The following RABGEF1 variants were observed in gnomAD, a reference collection of about 807,000 sequenced individuals.
RABGEF1 encodes RAB guanine nucleotide exchange factor 1, also known as rab5 GDP/GTP exchange factor.
RABGEF1 carries 26 observed loss-of-function variants against 57.3 expected under a neutral mutation model. That is an observed-to-expected ratio of 0.45 (90% CI 0.33 to 0.63). RABGEF1 has a LOEUF of 0.63. Ranked by LOEUF, RABGEF1 falls within the 20% of genes least tolerant of loss-of-function variation. The pLI is 0.02. For synonymous variants in RABGEF1, 185 were observed against 210.7 expected, an observed-to-expected ratio of 0.88 and a Z score of 1.06; for missense variants, 464 against 607.6, an observed-to-expected ratio of 0.76 and a Z score of 2.48.
chr7:66,765,542 C>T (rs12667122), intron 1 of RABGEF1, among the ~76,000 whole-genome samples: 50,615 of 151,580 alleles, frequency 0.33, 8,765 homozygotes, highest in Middle Eastern at 0.49. Flanking sequence ...TGGGCGTGCA[C>T]GTAAACCTTA....
intron 5 of RABGEF1, 44 bp from the exon 6 acceptor site, chr7:66,797,330 A>G (rs988820153): frequency 7.4e-5 from 113 of 1,519,032 alleles, no homozygotes; most frequent in Middle Eastern, 2.4e-4. Flanking sequence ...AAGAGAGAGA[A>G]AAAATATATA....
intron 4 of RABGEF1, among the ~76,000 whole-genome samples, chr7:66,787,076 G>A (rs1176968722): frequency 6.6e-6 from 1 of 150,714 alleles, no homozygotes; most frequent in Non-Finnish European, 1.5e-5. Context: ...GGCCAGGCTG[G>A]AGTGCAGTGG....
chr7:66,770,465 A>C (rs1806812198), intron 1 of RABGEF1: 1 of 152,138 alleles, frequency 6.6e-6, no homozygotes. Flanking sequence ...TTTGGAACTT[A>C]AGGTATTATT....
intron 2 of RABGEF1, among the ~76,000 whole-genome samples, chr7:66,713,599 C>A (rs1313435488): frequency 6.6e-6 from 1 of 152,170 alleles, no homozygotes; most frequent in Non-Finnish European, 1.5e-5. Flanking sequence ...TTATCTTGTA[C>A]CTTAACTTGG....
chr7:66,787,860 G>A (rs1488453260), intron 4 of RABGEF1, among the ~76,000 whole-genome samples: 2 of 152,144 alleles, frequency 1.3e-5, no homozygotes, highest in African/African-American at 2.4e-5. Context: ...TTACCTAACT[G>A]AATGAGATCT....
At chr7:66,716,812 T>C (rs561117868) in intron 2 of RABGEF1, among the ~76,000 whole-genome samples, 21 of 152,308 alleles carry the variant, frequency 1.4e-4, no homozygotes, top group African/African-American at 4.8e-4. Context: ...AAGGTCTTGC[T>C]CTGTTGCCCG....
Position 66,722,136 on chromosome 7 carries a change from A to T in RABGEF1, c.-815+9912A>T, listed in dbSNP as rs148029802. ...TGTTTCACTGCACTTCATCCTGGGC[A>T]ACAGAATAGGACCCTGTCTCAGGGG... is the stretch of plus-strand genomic sequence containing the variant. On this transcript the variant is annotated intron_variant and NMD_transcript_variant, in intron 2 of 9. Coordinates refer to the RABGEF1 transcript ENST00000607882. 4.3e-4 allele frequency among the ~76,000 whole-genome samples: 66 copies of T among 152,164 alleles called. No individual in the cohort carries two copies. The East Asian group carries it at 9.5e-3, about 22-fold the overall frequency.
chr7:66,743,935 A>G (rs960336695), intron 1 of RABGEF1, among the ~76,000 whole-genome samples: 1 of 152,086 alleles, frequency 6.6e-6, no homozygotes, highest in Non-Finnish European at 1.5e-5. Context: ...CCGGCCCTAA[A>G]ATGGAATTTT....
intron 7 of RABGEF1, among the ~76,000 whole-genome samples, chr7:66,801,607 C>T (rs1370281354): frequency 3.3e-5 from 5 of 152,206 alleles, no homozygotes; most frequent in African/African-American, 9.6e-5. Flanking sequence ...AAGTGTTTAG[C>T]TCCCACCAAT....
chr7:66,765,108 A>C (rs1041358768), intron 1 of RABGEF1, among the ~76,000 whole-genome samples: 5 of 151,648 alleles, frequency 3.3e-5, no homozygotes, highest in African/African-American at 1.2e-4. Flanking sequence ...AGTGAAGGTC[A>C]TGGGTGCACA....
At chr7:66,782,190 T>A (rs2129139257) in intron 3 of RABGEF1, among the ~76,000 whole-genome samples, 2 of 152,352 alleles carry the variant, frequency 1.3e-5, no homozygotes, top group South Asian at 4.1e-4. Context: ...ATTTTTTGTT[T>A]TAAATTAGAT....
intron 3 of RABGEF1, among the ~76,000 whole-genome samples, chr7:66,779,235 G>C (rs1809281854): frequency 6.6e-6 from 1 of 152,120 alleles, no homozygotes; most frequent in Admixed American, 6.5e-5. Flanking sequence ...CTGGCACAGG[G>C]GCTCACGCTT....
chr7:66,703,276 T>C (rs1440087995), intron 1 of RABGEF1, among the ~76,000 whole-genome samples: 1 of 152,172 alleles, frequency 6.6e-6, no homozygotes, highest in East Asian at 1.9e-4. Context: ...CTGGCCTGTA[T>C]GTAAGTTTTT....
chr7:66,795,189 C>G (rs77385326), intron 4 of RABGEF1, among the ~76,000 whole-genome samples: 1 of 152,242 alleles, frequency 6.6e-6, no homozygotes, highest in South Asian at 2.1e-4. Flanking sequence ...GTGAGTGTCT[C>G]GGATTCCCCC....
chr7:66,771,773 C>T (rs1331735857), intron 1 of RABGEF1, 110 bp from the exon 2 acceptor site: 3 of 721,154 alleles, frequency 4.2e-6, no homozygotes, highest in Admixed American at 4.2e-5. Context: ...CTCCATCCCT[C>T]TCTTAACAGC....
rs1435630258 is a variant in RABGEF1, at chr7:66,810,468, T to G, written c.*1184T>G. 6.6e-6 allele frequency: 1 copy of G among 152,208 alleles called. No individual in the cohort carries two copies. The highest frequency in any genetic ancestry group is 2.4e-5 in the African/African-American group (1 of 41,454). 9.4% of individuals were successfully genotyped at this position (152,208 alleles called of 1,614,324 possible). A position where few individuals can be genotyped will look rare whatever the true frequency, so the allele number is the denominator to read the frequency against. ...TCACCCCTCCGTTAAGAACCACTGA[T>G]GTCTTTTACAAACCAGGAGTTATCC... On this transcript the variant is annotated 3_prime_UTR_variant, in exon 9 of 9. Coordinates refer to ENST00000284957, the MANE Select transcript of RABGEF1 (RefSeq NM_014504.3).
At position 66,707,847 on chromosome 7, in the gene RABGEF1, A is replaced by G. The variant is rs375986832; in HGVS notation, c.-872-4320A>G. 3.5e-4 allele frequency among the ~76,000 whole-genome samples: 54 copies of G among 152,260 alleles called. No individual in the cohort carries two copies. In the South Asian group the frequency reaches 7.9e-3, roughly 22 times the overall value. On this transcript the variant is annotated intron_variant and NMD_transcript_variant, in intron 1 of 9. Coordinates refer to the RABGEF1 transcript ENST00000607882. ...ATCTTCTTGAAGGATTGACCCTTTT[A>G]TCATTCTATAATGTCCTTCTTTGTC...
At chr7:66,710,863 G>C (rs1794679828) in intron 1 of RABGEF1, among the ~76,000 whole-genome samples, 1 of 151,866 alleles carries the variant, frequency 6.6e-6, no homozygotes, top group African/African-American at 2.4e-5. Flanking sequence ...CATTTTGGGA[G>C]GCCAAGACAG....
At chr7:66,707,988 C>T (rs1794334072) in intron 1 of RABGEF1, among the ~76,000 whole-genome samples, 1 of 152,030 alleles carries the variant, frequency 6.6e-6, no homozygotes, top group African/African-American at 2.4e-5. Context: ...TTACTTTCAA[C>T]CTATTTGTGT....
Sources: allele counts gnomAD v4.1 joint callset (sites outside exome capture counted in the v4.1 genomes callset), GRCh38; gene constraint gnomAD v4.1.1; transcripts MANE v1.5; gene names NCBI Gene and HGNC (gene_info 2026-07-23, HGNC 2026-07-21).